GALNTL6: variants seen among roughly 807,000 people sequenced by gnomAD.
GALNTL6 encodes the protein polypeptide N-acetylgalactosaminyltransferase like 6.
Under a neutral mutation model 73.7 loss-of-function variants are expected in GALNTL6, and 46 were observed. The ratio of observed to expected loss-of-function variants is 0.62; its 90% CI spans 0.49 to 0.80. The LOEUF is 0.80. GALNTL6 is among the 30% of genes least tolerant of loss of function. The pLI is 0.00. For missense variants in GALNTL6, 604 were observed against 755.0 expected, an observed-to-expected ratio of 0.80 and a Z score of 2.34; for synonymous variants, 259 against 263.7, an observed-to-expected ratio of 0.98 and a Z score of 0.17.
chr4:172,987,822 C>G (rs1369831119), intron 10 of GALNTL6, among the ~76,000 whole-genome samples: 1 of 152,192 alleles, frequency 6.6e-6, no homozygotes, highest in Non-Finnish European at 1.5e-5. Context: ...CCTTCACCTT[C>G]AACCATGATT....
chr4:171,829,573 C>T (rs1346390977), intron 2 of GALNTL6, among the ~76,000 whole-genome samples: 1 of 152,072 alleles, frequency 6.6e-6, no homozygotes, highest in African/African-American at 2.4e-5. Flanking sequence ...AATTTGAAGA[C>T]ATTTTCTCTG....
At chr4:172,726,916 T>A (rs531581454) in intron 5 of GALNTL6, among the ~76,000 whole-genome samples, 2 of 152,222 alleles carry the variant, frequency 1.3e-5, no homozygotes, top group Non-Finnish European at 2.9e-5. Flanking sequence ...GTCATCTTCA[T>A]TAATGATTAT....
chr4:171,865,362 G>A (rs1456403993), intron 2 of GALNTL6, among the ~76,000 whole-genome samples: 1 of 152,062 alleles, frequency 6.6e-6, no homozygotes, highest in Non-Finnish European at 1.5e-5. Flanking sequence ...AACAGTAATG[G>A]TATGTGAGAC....
At chr4:171,985,216 T>C (rs1740030970) in intron 2 of GALNTL6, among the ~76,000 whole-genome samples, 1 of 152,178 alleles carries the variant, frequency 6.6e-6, no homozygotes, top group Non-Finnish European at 1.5e-5. Flanking sequence ...AAAAAAAAGC[T>C]TTAATGGACT....
intron 2 of GALNTL6, among the ~76,000 whole-genome samples, chr4:172,076,047 T>C (rs1413437456): frequency 1.3e-5 from 2 of 152,170 alleles, no homozygotes; most frequent in Non-Finnish European, 2.9e-5. Flanking sequence ...GAGGGAAAAA[T>C]TCCTTTGGAT....
intron 2 of GALNTL6, among the ~76,000 whole-genome samples, chr4:172,114,875 CGAG>C (rs1190997424): frequency 2.0e-5 from 3 of 151,924 alleles, no homozygotes; most frequent in Non-Finnish European, 4.4e-5. Context: ...ATACGACAGT[CGAG>C]GGACTGTCTC....
At chr4:172,927,247 C>A (rs796633519) in intron 8 of GALNTL6, among the ~76,000 whole-genome samples, 33 of 152,262 alleles carry the variant, frequency 2.2e-4, no homozygotes, top group African/African-American at 6.3e-4. Flanking sequence ...TGTCAAGAAA[C>A]AATTACATAG....
chr4:172,087,442 C>CT (rs369698904), intron 2 of GALNTL6, among the ~76,000 whole-genome samples: 37,438 of 122,012 alleles, frequency 0.31, 7,117 homozygotes, highest in East Asian at 0.49. Flanking sequence ...TAGACTCCAT[C>CT]CCAAAAAAAA....
intron 7 of GALNTL6, among the ~76,000 whole-genome samples, chr4:172,829,256 G>C (rs1470570315): frequency 2.0e-5 from 3 of 152,226 alleles, no homozygotes; most frequent in Admixed American, 6.5e-5. Context: ...TGTCAGCAGA[G>C]AGCGTGTCTG....
intron 5 of GALNTL6, among the ~76,000 whole-genome samples, chr4:172,361,397 G>T (rs1282030215): frequency 1.3e-5 from 2 of 151,982 alleles, no homozygotes; most frequent in Non-Finnish European, 2.9e-5. Context: ...TTCATTTTAG[G>T]ATCAGGGAAG....
chr4:172,472,134 A>C (rs1561098910), intron 5 of GALNTL6, among the ~76,000 whole-genome samples: 1 of 152,210 alleles, frequency 6.6e-6, no homozygotes, highest in Non-Finnish European at 1.5e-5. Context: ...AAAGTCTCAT[A>C]ATCAATGTTT....
intron 2 of GALNTL6, among the ~76,000 whole-genome samples, chr4:171,937,101 CT>C (rs1461083200): frequency 5.3e-5 from 8 of 152,092 alleles, no homozygotes; most frequent in African/African-American, 1.9e-4. Flanking sequence ...ATGAATTCTC[CT>C]TCTCTATTAT....
chr4:171,843,124 A>G (rs1735282218), intron 2 of GALNTL6, among the ~76,000 whole-genome samples: 1 of 152,180 alleles, frequency 6.6e-6, no homozygotes, highest in African/African-American at 2.4e-5. Flanking sequence ...GGAATAATAA[A>G]GAAATCTTCT....
intron 10 of GALNTL6, among the ~76,000 whole-genome samples, chr4:172,967,616 A>C (rs1750391505): frequency 6.6e-6 from 1 of 151,524 alleles, no homozygotes; most frequent in South Asian, 2.1e-4. Context: ...ATATTAGGGG[A>C]CTTCATGATA....
chr4:172,708,751 T>C (rs886592507), intron 5 of GALNTL6, among the ~76,000 whole-genome samples: 4 of 152,232 alleles, frequency 2.6e-5, no homozygotes, highest in African/African-American at 9.6e-5. Context: ...GAAAACATCT[T>C]ATTCTGACCA....
chr4:172,150,937 G>A (rs1222698242), intron 2 of GALNTL6, among the ~76,000 whole-genome samples: 2 of 152,114 alleles, frequency 1.3e-5, no homozygotes, highest in African/African-American at 2.4e-5. Flanking sequence ...AATAAATAAA[G>A]TTCTGATTCC....
intron 5 of GALNTL6, among the ~76,000 whole-genome samples, chr4:172,371,563 C>T (rs1742810103): frequency 6.6e-6 from 1 of 152,062 alleles, no homozygotes; most frequent in South Asian, 2.1e-4. Context: ...GTCTCTCTTT[C>T]CTTCTTTCTC....
chr4:172,955,754 A>G (rs1749708929), intron 10 of GALNTL6, among the ~76,000 whole-genome samples: 5 of 151,618 alleles, frequency 3.3e-5, no homozygotes. Flanking sequence ...GAGTCCGAAA[A>G]GAAGGGAGAT....
Position 171,919,450 on chromosome 4 carries a change from G to A in GALNTL6, c.138+104732G>A, listed in dbSNP as rs145517256. ...TTACCCTAAGGACTTGTTAGAAGAC[G>A]GATTATAGAGCCCCAGTACCAGAGC... On this transcript the variant is annotated intron_variant, in intron 2 of 12. Coordinates refer to ENST00000506823, the MANE Select transcript of GALNTL6 (RefSeq NM_001034845.3). Among the ~76,000 whole-genome samples the A allele has an allele frequency of 1.1e-4, 16 of 152,130 alleles. No homozygotes were observed. In the East Asian group the frequency reaches 2.1e-3, roughly 20 times the overall value.
Sources: allele counts gnomAD v4.1 joint callset (sites outside exome capture counted in the v4.1 genomes callset), GRCh38; gene constraint gnomAD v4.1.1; transcripts MANE v1.5; gene names NCBI Gene and HGNC (gene_info 2026-07-23, HGNC 2026-07-21).